CARMIL1: variants seen among roughly 807,000 people sequenced by gnomAD.
CARMIL1 encodes F-actin-uncapping protein LRRC16A.
In CARMIL1, 90 loss-of-function variants were observed where a neutral mutation model predicts 177.1. That is an observed-to-expected ratio of 0.51 (90% CI 0.43 to 0.61). CARMIL1 has a LOEUF of 0.61. Ranked by LOEUF, CARMIL1 falls within the 20% of genes least tolerant of loss-of-function variation. The pLI is 0.00. For missense variants in CARMIL1, 1,380 were observed against 1,667.0 expected (o/e 0.83, Z 3.00); for synonymous variants, 577 against 606.2 (o/e 0.95, Z 0.71).
At position 25,581,488 on chromosome 6, in the gene CARMIL1, T is replaced by C. The variant is rs754215242; in HGVS notation, c.3006+49T>C. On this transcript the variant is annotated intron_variant, in intron 31 of 36. Coordinates refer to ENST00000329474, the MANE Select transcript of CARMIL1 (RefSeq NM_017640.6). ...CCATCTCTCCCACACCCTTTTCTTC[T>C]CTGGGGAAAGTTGGAGGGTCTTGCT... is the stretch of plus-strand genomic sequence containing the variant. 8 of 1,514,628 alleles carry C rather than the reference T, an allele frequency of 5.3e-6. No individual in the cohort carries two copies. The African/African-American group carries it at 9.8e-5, about 19-fold the overall frequency. The allele number at this position is 1,514,628 out of a possible 1,614,324, so 93.8% of individuals were successfully genotyped here. A position where few individuals can be genotyped will look rare whatever the true frequency, so the allele number is the denominator to read the frequency against.
intron 2 of CARMIL1, among the ~76,000 whole-genome samples, chr6:25,306,575 G>A (rs1783288326): frequency 6.6e-6 from 1 of 152,134 alleles, no homozygotes; most frequent in South Asian, 2.1e-4. Flanking sequence ...TGCTGACTTA[G>A]CATATGTTTT....
chr6:25,573,727 C>T (rs926162421), intron 29 of CARMIL1, among the ~76,000 whole-genome samples: 6 of 151,628 alleles, frequency 4.0e-5, no homozygotes, highest in African/African-American at 1.5e-4. Context: ...CCATCTAGTC[C>T]ATCTCAGTTC....
At chr6:25,392,564 A>C (rs975234549) in intron 2 of CARMIL1, among the ~76,000 whole-genome samples, 1 of 152,132 alleles carries the variant, frequency 6.6e-6, no homozygotes, top group Non-Finnish European at 1.5e-5. Flanking sequence ...ACTGCTCAGC[A>C]CCCTGCTTGC....
chr6:25,323,438 A>C (rs1784832542), intron 2 of CARMIL1, among the ~76,000 whole-genome samples: 1 of 151,242 alleles, frequency 6.6e-6, no homozygotes, highest in Admixed American at 6.6e-5. Flanking sequence ...AAAAAAAAAA[A>C]AAGGCAAAAA....
At chr6:25,343,695 A>T (rs1444576139) in intron 2 of CARMIL1, among the ~76,000 whole-genome samples, 2 of 152,046 alleles carry the variant, frequency 1.3e-5, no homozygotes, top group African/African-American at 4.8e-5. Context: ...TTCACTGTGC[A>T]GTTTGTGTGC....
rs1562073403 is a variant in CARMIL1, at chr6:25,390,310, A to T, written c.139-29804A>T. Among the ~76,000 whole-genome samples, 20 of 38,630 alleles carry T rather than the reference A, an allele frequency of 5.2e-4. 1 individual carries two copies. The highest frequency in any genetic ancestry group is 4.9e-3 in the South Asian group (5 of 1,020). The allele number at this position is 38,630 out of a possible 152,430, so 25.3% of individuals were successfully genotyped here. A position where few individuals can be genotyped will look rare whatever the true frequency, so the allele number is the denominator to read the frequency against. ...TATATTTACATATATATATATATAT[A>T]TATATATATATTTTTTTTTTTTTTT... On this transcript the variant is annotated intron_variant, in intron 2 of 36. Transcript: ENST00000329474.
At chr6:25,506,478 A>T (rs541880137) in intron 17 of CARMIL1, among the ~76,000 whole-genome samples, 1 of 152,270 alleles carries the variant, frequency 6.6e-6, no homozygotes, top group Admixed American at 6.5e-5. Flanking sequence ...CCTGGGAGGT[A>T]GGGGTTGCAG....
chr6:25,424,995 TAATG>T (rs1019661797), intron 3 of CARMIL1, among the ~76,000 whole-genome samples: 6 of 152,202 alleles, frequency 3.9e-5, no homozygotes, highest in East Asian at 1.9e-4. Context: ...TAAATTAAAA[TAATG>T]AAGGAAGGTA....
intron 2 of CARMIL1, among the ~76,000 whole-genome samples, chr6:25,316,271 A>G (rs1398153701): frequency 6.6e-6 from 1 of 152,122 alleles, no homozygotes; most frequent in East Asian, 1.9e-4. Flanking sequence ...AGGAGTGGGC[A>G]CAGGCGCAGC....
chr6:25,411,547 C>T (rs1180183196), intron 2 of CARMIL1, among the ~76,000 whole-genome samples: 2 of 152,204 alleles, frequency 1.3e-5, no homozygotes, highest in African/African-American at 2.4e-5. Flanking sequence ...CTGTGTTCAC[C>T]TGTGGGCGAA....
At chr6:25,585,270 A>G (rs1303135082) in intron 31 of CARMIL1, among the ~76,000 whole-genome samples, 2 of 152,248 alleles carry the variant, frequency 1.3e-5, no homozygotes, top group Non-Finnish European at 2.9e-5. Context: ...GTGTTTAGTA[A>G]GAGCAATTAT....
chr6:25,477,529 G>C (rs545862287), intron 11 of CARMIL1, among the ~76,000 whole-genome samples: 8 of 152,232 alleles, frequency 5.3e-5, no homozygotes, highest in Non-Finnish European at 1.0e-4. Flanking sequence ...TCACCAGCTT[G>C]CTCTTGGTCT....
chr6:25,279,654 C>T lies in CARMIL1; in HGVS notation c.-142C>T. 4.3e-6 allele frequency: 3 copies of T among 704,976 alleles called. No homozygotes were observed. The highest frequency in any genetic ancestry group is 5.0e-6 in the Non-Finnish European group (2 of 401,682). 43.7% of individuals were successfully genotyped at this position (704,976 alleles called of 1,614,324 possible). A position where few individuals can be genotyped will look rare whatever the true frequency, so the allele number is the denominator to read the frequency against. ...GGGGCGGGGGGCGCGCGGCAAAATT[C>T]TGTCTCCGCCCCCCCTTTTCTTGCC... On this transcript the variant is annotated 5_prime_UTR_variant, in exon 1 of 37. Transcript: ENST00000329474.
Position 25,488,532 on chromosome 6 carries a change from A to G in CARMIL1, c.1012A>G (p.Thr338Ala). The change falls in exon 13 of 37, where the codon ACC (threonine) becomes GCC (alanine). Residue 338 changes from threonine to alanine, a missense_variant. Coordinates refer to ENST00000329474, the MANE Select transcript of CARMIL1 (RefSeq NM_017640.6). ...CAGTGCCAATCCATTGACCGCCTCT[A>G]CCCTTGTCCACCTCGACCTCTCAGG... ...SLSANPLTAS[T>A]LVHLDLSGNV... The G allele has an allele frequency of 1.9e-6, 3 of 1,613,948 alleles. No individual in the cohort carries two copies. In the South Asian group the frequency reaches 3.3e-5, roughly 18 times the overall value.
intron 11 of CARMIL1, chr6:25,479,363 A>T (rs1562194157): frequency 2.2e-5 from 8 of 361,766 alleles, no homozygotes; most frequent in Non-Finnish European, 5.4e-6. Flanking sequence ...AACTATTGAG[A>T]TTATTTACTT....
intron 2 of CARMIL1, among the ~76,000 whole-genome samples, chr6:25,335,185 T>C (rs1786086252): frequency 6.6e-6 from 1 of 152,176 alleles, no homozygotes; most frequent in African/African-American, 2.4e-5. Context: ...TCTGTGTGTG[T>C]GTTTTAAATT....
chr6:25,346,249 C>T (rs1338327771), intron 2 of CARMIL1, among the ~76,000 whole-genome samples: 2 of 152,172 alleles, frequency 1.3e-5, no homozygotes, highest in Non-Finnish European at 2.9e-5. Context: ...TCCCACTTCC[C>T]GCCCACTTGC....
chr6:25,460,837 A>G (rs1800056802), intron 8 of CARMIL1, among the ~76,000 whole-genome samples: 1 of 152,196 alleles, frequency 6.6e-6, no homozygotes, highest in South Asian at 2.1e-4. Context: ...CCTTAGAGAA[A>G]AGTATGCAGA....
intron 5 of CARMIL1, among the ~76,000 whole-genome samples, chr6:25,448,886 T>C (rs953518317): frequency 6.6e-6 from 1 of 151,930 alleles, no homozygotes; most frequent in African/African-American, 2.4e-5. Context: ...AGTTAACATA[T>C]ATTGACATTA....
Sources: gnomAD v4.1 joint callset for allele counts (sites outside exome capture counted in the v4.1 genomes callset) on GRCh38, gnomAD v4.1.1 for gene constraint, MANE v1.5 for transcripts, NCBI Gene and HGNC (gene_info 2026-07-23, HGNC 2026-07-21) for gene names.